Variants in CTNNA2 observed in about 807,000 individuals in gnomAD.
CTNNA2 encodes the protein catenin alpha-2.
In CTNNA2, 42 loss-of-function variants were observed where a neutral mutation model predicts 101.0. The observed-to-expected ratio is 0.42, with a 90% CI of 0.32 to 0.54. The LOEUF is 0.54. CTNNA2 is among the 20% of genes least tolerant of loss of function. The pLI is 0.14. For synonymous variants in CTNNA2, 450 were observed against 456.4 expected (o/e 0.99, Z 0.18); for missense variants, 871 against 1,223.1 (o/e 0.71, Z 4.29).
chr2:80,377,497 C>T (rs1414868872), intron 7 of CTNNA2, among the ~76,000 whole-genome samples: 1 of 152,188 alleles, frequency 6.6e-6, no homozygotes, highest in African/African-American at 2.4e-5. Flanking sequence ...TGCCCAGCCT[C>T]ACACAGCTGA....
At chr2:80,382,360 TAAAA>T (rs3040573) in intron 7 of CTNNA2, among the ~76,000 whole-genome samples, 1 of 144,594 alleles carries the variant, frequency 6.9e-6, no homozygotes, top group African/African-American at 2.5e-5. Flanking sequence ...TTTAATTGGA[TAAAA>T]AAAAAAAAAT....
chr2:80,619,550 G>A (rs901163140), intron 18 of CTNNA2, among the ~76,000 whole-genome samples: 1 of 151,870 alleles, frequency 6.6e-6, no homozygotes, highest in African/African-American at 2.4e-5. Flanking sequence ...GCTTCACTAA[G>A]GAAGGGTAGT....
intron 4 of CTNNA2, among the ~76,000 whole-genome samples, chr2:79,382,743 A>G (rs1330535772): frequency 1.3e-5 from 2 of 152,148 alleles, no homozygotes; most frequent in Admixed American, 6.5e-5. Flanking sequence ...CCTCCCGAGT[A>G]GCTGGGACTA....
intron 9 of CTNNA2, among the ~76,000 whole-genome samples, chr2:80,455,771 G>T (rs938999179): frequency 2.6e-5 from 4 of 152,202 alleles, no homozygotes; most frequent in Non-Finnish European, 5.9e-5. Context: ...TTACCATTGA[G>T]CAGGGAGTCT....
intron 2 of CTNNA2, among the ~76,000 whole-genome samples, chr2:79,199,093 T>C (rs1480270666): frequency 6.6e-6 from 1 of 152,254 alleles, no homozygotes; most frequent in East Asian, 1.9e-4. Flanking sequence ...ATCAGTTATC[T>C]ACAATTTACA....
intron 1 of CTNNA2, among the ~76,000 whole-genome samples, chr2:79,633,202 C>T (rs906036878): frequency 6.6e-6 from 1 of 152,104 alleles, no homozygotes; most frequent in South Asian, 2.1e-4. Flanking sequence ...GTATGATTAT[C>T]ATAAGAGACA....
chr2:79,589,465 C>CT (rs944071847), intron 1 of CTNNA2, among the ~76,000 whole-genome samples: 6 of 151,834 alleles, frequency 4.0e-5, no homozygotes, highest in South Asian at 4.2e-4. Context: ...CACTATTGTC[C>CT]TTTTTTTTCT....
intron 18 of CTNNA2, among the ~76,000 whole-genome samples, chr2:80,628,819 G>C (rs992747086): frequency 7.2e-5 from 11 of 152,008 alleles, no homozygotes; most frequent in Admixed American, 7.2e-4. Context: ...TGAGTGGCAC[G>C]ATGATCCCCA....
chr2:80,113,775 C>T (rs532834156), intron 7 of CTNNA2, among the ~76,000 whole-genome samples: 7 of 152,146 alleles, frequency 4.6e-5, no homozygotes, highest in East Asian at 1.9e-4. Context: ...TTTAAATCCC[C>T]GTGTATCATA....
At chr2:80,273,372 T>C (rs148946847) in intron 7 of CTNNA2, among the ~76,000 whole-genome samples, 1 of 152,178 alleles carries the variant, frequency 6.6e-6, no homozygotes, top group African/African-American at 2.4e-5. Context: ...GCTAACAAGC[T>C]GGTCCAGGAC....
chr2:79,665,726 TTGA>T (rs1682369304), intron 2 of CTNNA2, among the ~76,000 whole-genome samples: 1 of 152,234 alleles, frequency 6.6e-6, no homozygotes, highest in South Asian at 2.1e-4. Flanking sequence ...TTTAAGAGTA[TTGA>T]TTATCTTGAA....
intron 12 of CTNNA2, among the ~76,000 whole-genome samples, chr2:80,572,373 T>C (rs193297140): frequency 1.3e-5 from 2 of 152,328 alleles, no homozygotes; most frequent in Admixed American, 6.5e-5. Context: ...ATTTATTTTA[T>C]ATACATGTAG....
chr2:79,944,153 G>A (rs532692489), intron 7 of CTNNA2, among the ~76,000 whole-genome samples: 10 of 151,912 alleles, frequency 6.6e-5, no homozygotes, highest in African/African-American at 1.7e-4. Context: ...AGCCTATTAC[G>A]TGCCATGCAT....
intron 2 of CTNNA2, among the ~76,000 whole-genome samples, chr2:79,655,862 T>G (rs1016948776): frequency 7.9e-5 from 12 of 152,088 alleles, no homozygotes; most frequent in Non-Finnish European, 1.5e-5. Flanking sequence ...TTCATATACC[T>G]TTTAGTCCAG....
At chr2:79,481,042 G>A (rs533412157) in intron 4 of CTNNA2, among the ~76,000 whole-genome samples, 3 of 151,636 alleles carry the variant, frequency 2.0e-5, no homozygotes, top group African/African-American at 4.8e-5. Context: ...TATTTCAATG[G>A]AAATAATAAA....
intron 7 of CTNNA2, among the ~76,000 whole-genome samples, chr2:80,215,314 C>T (rs1332389622): frequency 6.6e-6 from 1 of 152,198 alleles, no homozygotes; most frequent in East Asian, 1.9e-4. Flanking sequence ...TGGTGAGGAG[C>T]TGCATTCCTT....
intron 2 of CTNNA2, among the ~76,000 whole-genome samples, chr2:79,666,186 A>G (rs1682404938): frequency 6.6e-6 from 1 of 152,308 alleles, no homozygotes; most frequent in Admixed American, 6.5e-5. Context: ...TTTTTTCTTC[A>G]TATGGGCTTC....
intron 2 of CTNNA2, among the ~76,000 whole-genome samples, chr2:79,276,667 C>T (rs554890835): frequency 6.6e-6 from 1 of 151,716 alleles, no homozygotes; most frequent in East Asian, 1.9e-4. Flanking sequence ...TATTTCTTTT[C>T]ACATCTTTTG....
intron 7 of CTNNA2, among the ~76,000 whole-genome samples, chr2:80,036,854 A>T (rs62141400): frequency 0.11 from 10,695 of 97,630 alleles, 443 homozygotes; most frequent in South Asian, 0.24. Flanking sequence ...TGTGTGAGAG[A>T]GAGAGAGAGA....
Sources: gnomAD v4.1 joint callset for allele counts (sites outside exome capture counted in the v4.1 genomes callset) on GRCh38, gnomAD v4.1.1 for gene constraint, MANE v1.5 for transcripts, NCBI Gene and HGNC (gene_info 2026-07-23, HGNC 2026-07-21) for gene names.